Variants in WDR72 observed in about 807,000 individuals in gnomAD.
WDR72 encodes WD repeat-containing protein 72.
In WDR72, 120 loss-of-function variants were observed where a neutral mutation model predicts 124.2. The observed-to-expected ratio is 0.97, with a 90% confidence interval of 0.83 to 1.12. The LOEUF (loss-of-function observed/expected upper bound fraction) is 1.12. Among genes scored for constraint, WDR72 ranks in the 50% most tolerant of loss-of-function variants. WDR72 has a pLI of 0.00. For missense variants in WDR72, 1,387 were observed against 1,278.8 expected, an observed-to-expected ratio of 1.08 and a Z score of -1.29; for synonymous variants, 452 against 441.7, an observed-to-expected ratio of 1.02 and a Z score of -0.29.
chr15:53,543,783 T>C (rs1338284233), intron 18 of WDR72, among the ~76,000 whole-genome samples: 1 of 152,050 alleles, frequency 6.6e-6, no homozygotes, highest in Non-Finnish European at 1.5e-5. Flanking sequence ...AAGAATCTAA[T>C]AGACGCAATA....
chr15:53,753,155 C>T (rs1271534090), intron 1 of WDR72, among the ~76,000 whole-genome samples: 1 of 152,192 alleles, frequency 6.6e-6, no homozygotes, highest in Non-Finnish European at 1.5e-5. Context: ...TATCTTCTTC[C>T]TTGGCCCTGA....
Position 53,665,732 on chromosome 15 carries a change from C to A in WDR72, c.1802G>T (p.Arg601Leu), listed in dbSNP as rs368755797. The change falls in exon 14 of 20, where the codon CGA becomes CTA. Residue 601 changes from arginine (R) to leucine (L), a missense_variant. By Grantham distance (102) the Arg-to-Leu change is moderately radical. Transcript: ENST00000360509. ...LERHETGERARIILNCCDDSQ... is the reference protein window; with the variant it reads ...LERHETGERALIILNCCDDSQ... ...ATCATCACAACAATTAAGAATAATT[C>A]GTGCTCTTTCTCCTGTCTCATGTCT... The A allele has an allele frequency of 9.3e-6, 15 of 1,613,814 alleles. No individual in the cohort carries two copies. The highest frequency in any genetic ancestry group is 1.3e-5 in the Non-Finnish European group (15 of 1,179,836).
intron 14 of WDR72, among the ~76,000 whole-genome samples, chr15:53,620,644 A>T (rs1311757657): frequency 6.6e-6 from 1 of 152,146 alleles, no homozygotes; most frequent in Non-Finnish European, 1.5e-5. Flanking sequence ...AACAAAAATC[A>T]ACCCATGATG....
At chr15:53,520,265 T>TCAAA (rs1241733038) in intron 19 of WDR72, among the ~76,000 whole-genome samples, 1 of 152,084 alleles carries the variant, frequency 6.6e-6, no homozygotes, top group African/African-American at 2.4e-5. Flanking sequence ...TATATGCTGT[T>TCAAA]CAAACAACTG....
At chr15:53,712,216 T>A (rs1172163330) in intron 7 of WDR72, among the ~76,000 whole-genome samples, 1 of 152,174 alleles carries the variant, frequency 6.6e-6, no homozygotes, top group Non-Finnish European at 1.5e-5. Flanking sequence ...ACTACATATA[T>A]AATATCTTGG....
intron 18 of WDR72, among the ~76,000 whole-genome samples, chr15:53,540,691 G>A (rs72745145): frequency 0.083 from 12,691 of 152,160 alleles, 674 homozygotes; most frequent in Non-Finnish European, 0.11. Context: ...CAGCGTGAGC[G>A]ACGCAGAAGA....
At chr15:53,662,133 T>C (rs1055672509) in intron 14 of WDR72, among the ~76,000 whole-genome samples, 3 of 152,264 alleles carry the variant, frequency 2.0e-5, no homozygotes, top group Admixed American at 6.5e-5. Flanking sequence ...ATTCCTTCCA[T>C]TGCAATTTAA....
chr15:53,541,018 A>C (rs1310813909), intron 18 of WDR72: 1 of 158,044 alleles, frequency 6.3e-6, no homozygotes, highest in African/African-American at 2.4e-5. Flanking sequence ...GCTGATTGCT[A>C]GCACAGCAGT....
intron 2 of WDR72, among the ~76,000 whole-genome samples, chr15:53,730,021 T>C (rs949223650): frequency 3.9e-5 from 6 of 152,202 alleles, no homozygotes; most frequent in African/African-American, 1.4e-4. Flanking sequence ...TCTCAGTATG[T>C]ACCCAAAAGA....
At chr15:53,720,307 TTA>T (rs2140571158) in intron 3 of WDR72, among the ~76,000 whole-genome samples, 1 of 152,296 alleles carries the variant, frequency 6.6e-6, no homozygotes, top group Admixed American at 6.5e-5. Context: ...TGGGATCTTA[TTA>T]CTACATTATT....
intron 2 of WDR72, among the ~76,000 whole-genome samples, chr15:53,728,757 C>T (rs749053772): frequency 6.6e-6 from 1 of 152,144 alleles, no homozygotes; most frequent in African/African-American, 2.4e-5. Context: ...GAATTTGCTG[C>T]CACGGGATTT....
intron 14 of WDR72, among the ~76,000 whole-genome samples, chr15:53,659,044 G>A (rs2015521805): frequency 6.6e-6 from 1 of 152,142 alleles, no homozygotes; most frequent in Admixed American, 6.5e-5. Context: ...TGGACCATAA[G>A]TATCCTAACA....
intron 18 of WDR72, among the ~76,000 whole-genome samples, chr15:53,530,051 G>T (rs1332393568): frequency 6.6e-6 from 1 of 150,930 alleles, no homozygotes; most frequent in Non-Finnish European, 1.5e-5. Context: ...ATTTTTTGTG[G>T]CAAGCAGTGT....
chr15:53,730,106 G>A (rs1316780320), intron 2 of WDR72, among the ~76,000 whole-genome samples: 9 of 152,128 alleles, frequency 5.9e-5, no homozygotes. Context: ...GCCAAAAGGT[G>A]GAAGCAACCC....
At chr15:53,746,490 A>G (rs772576431) in intron 1 of WDR72, among the ~76,000 whole-genome samples, 1 of 152,214 alleles carries the variant, frequency 6.6e-6, no homozygotes, top group Non-Finnish European at 1.5e-5. Context: ...AATAAACACT[A>G]AGAGGAAAGT....
chr15:53,599,179 T>A (rs2012926276), intron 17 of WDR72, among the ~76,000 whole-genome samples: 1 of 152,118 alleles, frequency 6.6e-6, no homozygotes, highest in African/African-American at 2.4e-5. Context: ...CTTACTAACA[T>A]ATACTGCTAT....
chr15:53,642,331 G>A (rs182613516), intron 14 of WDR72, among the ~76,000 whole-genome samples: 3 of 152,094 alleles, frequency 2.0e-5, no homozygotes, highest in Admixed American at 2.0e-4. Flanking sequence ...AGATCTTTAT[G>A]TACTGATACT....
rs2015748707 is a variant in WDR72, at chr15:53,665,560, A to C, written c.1962+12T>G. ...AATGTTCTTTGTGAACAACAGCTTG[A>C]TTTGAACTTACCTTACATGAAGACT... is the stretch of plus-strand genomic sequence containing the variant. On this transcript the variant is annotated intron_variant, in intron 14 of 19. Coordinates refer to ENST00000360509, the MANE Select transcript of WDR72 (RefSeq NM_182758.4). 6.2e-7 allele frequency: 1 copy of C among 1,613,520 alleles called. No individual in the cohort carries two copies. Among genetic ancestry groups the C allele is most frequent in the African/African-American group, 1.3e-5 (1 of 74,866 alleles).
intron 1 of WDR72, among the ~76,000 whole-genome samples, chr15:53,736,232 A>C (rs1197356016): frequency 6.6e-6 from 1 of 152,208 alleles, no homozygotes; most frequent in East Asian, 1.9e-4. Context: ...TTAATAGAAC[A>C]GAGCAAGAGT....
Sources: allele counts gnomAD v4.1 joint callset (sites outside exome capture counted in the v4.1 genomes callset), GRCh38; gene constraint gnomAD v4.1.1; transcripts MANE v1.5; gene names NCBI Gene and HGNC (gene_info 2026-07-23, HGNC 2026-07-21).